BCAS3: variants seen among roughly 807,000 people sequenced by gnomAD.
The protein encoded by BCAS3 is BCAS3 microtubule associated cell migration factor.
Under a neutral mutation model 116.1 loss-of-function variants are expected in BCAS3, and 53 were observed. The ratio of observed to expected loss-of-function variants is 0.46; its 90% CI spans 0.37 to 0.57. BCAS3 has a LOEUF of 0.57. Among genes scored for constraint, BCAS3 ranks in the 20% least tolerant of loss-of-function variants. The pLI is 0.00. For missense variants in BCAS3, 917 were observed against 1,165.4 expected, an observed-to-expected ratio of 0.79 and a Z score of 3.10; for synonymous variants, 391 against 408.2, an observed-to-expected ratio of 0.96 and a Z score of 0.51.
chr17:60,872,411 A>G (rs2055191930), intron 8 of BCAS3, among the ~76,000 whole-genome samples: 1 of 151,322 alleles, frequency 6.6e-6, no homozygotes, highest in Non-Finnish European at 1.5e-5. Context: ...CACATACCCC[A>G]TATATATCTG....
At chr17:61,001,435 A>G (rs1425420660) in intron 15 of BCAS3, among the ~76,000 whole-genome samples, 1 of 152,176 alleles carries the variant, frequency 6.6e-6, no homozygotes, top group Admixed American at 6.5e-5. Flanking sequence ...GCAACCACAC[A>G]TTTCAGCCTT....
At chr17:61,033,498 G>C (rs1334093509) in intron 16 of BCAS3, among the ~76,000 whole-genome samples, 1 of 152,132 alleles carries the variant, frequency 6.6e-6, no homozygotes, top group Non-Finnish European at 1.5e-5. Flanking sequence ...CAGCTCAGAG[G>C]TGCCAGCACT....
At chr17:61,093,431 A>G (rs1001203234) in intron 22 of BCAS3, among the ~76,000 whole-genome samples, 1 of 152,240 alleles carries the variant, frequency 6.6e-6, no homozygotes, top group East Asian at 1.9e-4. Flanking sequence ...TACAAAAAGT[A>G]CAAAAATTAG....
chr17:60,687,804 G>C lies in BCAS3; in HGVS notation c.139-1882G>C, dbSNP rs2034284856. Among the ~76,000 whole-genome samples the C allele has an allele frequency of 2.0e-5, 3 of 152,210 alleles. No homozygotes were observed. The South Asian group carries it at 6.2e-4, about 32-fold the overall frequency. On this transcript the variant is annotated intron_variant, in intron 3 of 23. Transcript: ENST00000407086. ...TAAGGAACACACGAAGCAGAGCTCAGGTGCTTCAGTTGTCTTCCCAGAATT... is the reference window on the plus strand; with the variant it reads ...TAAGGAACACACGAAGCAGAGCTCACGTGCTTCAGTTGTCTTCCCAGAATT...
intron 16 of BCAS3, chr17:61,016,842 G>A (rs999123107): frequency 6.6e-6 from 1 of 152,152 alleles, no homozygotes; most frequent in African/African-American, 2.4e-5. Flanking sequence ...CAGTATTAAT[G>A]TGCTTACAGA....
At chr17:60,851,540 A>G (rs1221161123) in intron 7 of BCAS3, 8 of 614,286 alleles carry the variant, frequency 1.3e-5, no homozygotes, top group East Asian at 3.4e-5. Flanking sequence ...AAAGCTCTAC[A>G]TGTTCTTCAC....
At chr17:60,693,256 C>T (rs1356378080) in intron 4 of BCAS3, among the ~76,000 whole-genome samples, 1 of 151,942 alleles carries the variant, frequency 6.6e-6, no homozygotes, top group Non-Finnish European at 1.5e-5. Context: ...TGACATTTTT[C>T]TGTCAAATTC....
intron 7 of BCAS3, among the ~76,000 whole-genome samples, chr17:60,860,592 C>G (rs932336708): frequency 2.0e-5 from 3 of 152,140 alleles, no homozygotes; most frequent in African/African-American, 7.2e-5. Flanking sequence ...GTTTTTGTTT[C>G]TAGACTTTTT....
At chr17:61,252,015 T>G (rs1021092640) in intron 22 of BCAS3, among the ~76,000 whole-genome samples, 2 of 152,280 alleles carry the variant, frequency 1.3e-5, no homozygotes, top group African/African-American at 4.8e-5. Context: ...CTGAGATCAC[T>G]CAACAGTTAT....
chr17:60,839,498 C>T (rs2051695177), intron 7 of BCAS3, among the ~76,000 whole-genome samples: 1 of 152,026 alleles, frequency 6.6e-6, no homozygotes, highest in Non-Finnish European at 1.5e-5. Context: ...CGGAAGGTTT[C>T]ATAACCCAGT....
intron 14 of BCAS3, among the ~76,000 whole-genome samples, chr17:60,953,616 G>A (rs561134086): frequency 6.6e-6 from 1 of 152,124 alleles, no homozygotes; most frequent in African/African-American, 2.4e-5. Context: ...ATTGCTTTTG[G>A]TGTCTTTGTC....
chr17:61,251,493 G>A lies in BCAS3; in HGVS notation c.2426-116834G>A, dbSNP rs548093354. ...GCTGAGGCAGGAGAATCACTTGAAC[G>A]CGGGATGCAGAGGTTGCAGTGAGCC... On this transcript the variant is annotated intron_variant, in intron 22 of 23. Coordinates refer to ENST00000407086, the MANE Select transcript of BCAS3 (RefSeq NM_017679.5). This position sits in a 1 kb window ranked among gnomAD's most constrained non-coding sequence, Gnocchi z 4.7. Among the ~76,000 whole-genome samples, 8 of 151,878 alleles carry A rather than the reference G, an allele frequency of 5.3e-5. No homozygotes were observed. The highest frequency in any genetic ancestry group is 1.9e-4 in the East Asian group (1 of 5,160).
chr17:61,247,063 T>G (rs958982427), intron 22 of BCAS3, among the ~76,000 whole-genome samples: 1 of 152,198 alleles, frequency 6.6e-6, no homozygotes, highest in African/African-American at 2.4e-5. Context: ...GTACAGTGTA[T>G]ATTAATTTCA....
intron 7 of BCAS3, among the ~76,000 whole-genome samples, chr17:60,858,790 G>A (rs1233648310): frequency 1.3e-5 from 2 of 152,088 alleles, no homozygotes; most frequent in African/African-American, 2.4e-5. Flanking sequence ...ATTCTATTGG[G>A]TGTAGTGGTA....
At chr17:61,267,536 G>A (rs62069617) in intron 22 of BCAS3, among the ~76,000 whole-genome samples, 2 of 150,146 alleles carry the variant, frequency 1.3e-5, no homozygotes. Context: ...TCAGGAGTTC[G>A]AGACCAGCCT....
Position 61,114,640 on chromosome 17 carries a change from A to G in BCAS3, c.2425+30076A>G, listed in dbSNP as rs960303021. Among the ~76,000 whole-genome samples the G allele has an allele frequency of 2.0e-4, 31 of 152,266 alleles. No individual in the cohort carries two copies. The South Asian group carries it at 2.1e-3, about 10-fold the overall frequency. On this transcript the variant is annotated intron_variant, in intron 22 of 23. Transcript: ENST00000407086. ...CCATGCTCATGGGTAGGAAGAATCA[A>G]TATCGTGAAAATGGCCATACTGCCC...
chr17:61,203,878 A>G lies in BCAS3; in HGVS notation c.2425+119314A>G, dbSNP rs530479759. Among the ~76,000 whole-genome samples the G allele has an allele frequency of 2.6e-4, 40 of 152,302 alleles. No individual in the cohort carries two copies. The South Asian group carries it at 4.1e-3, about 16-fold the overall frequency. On this transcript the variant is annotated intron_variant, in intron 22 of 23. Transcript: ENST00000407086. This position sits in a 1 kb window ranked among gnomAD's most constrained non-coding sequence, Gnocchi z 5.7. Reference sequence around the variant, plus strand: ...CCCAGAGCTAATTAACTGCATTGCTATCAGAGCTCTGAAGTGACAGAGGCA... The same window carrying G: ...CCCAGAGCTAATTAACTGCATTGCTGTCAGAGCTCTGAAGTGACAGAGGCA...
intron 22 of BCAS3, among the ~76,000 whole-genome samples, chr17:61,148,209 A>T (rs2077350976): frequency 6.6e-6 from 1 of 152,162 alleles, no homozygotes; most frequent in South Asian, 2.1e-4. Context: ...TTATTTCCAG[A>T]GCTTGATATA....
At chr17:61,179,749 C>T (rs937910848) in intron 22 of BCAS3, among the ~76,000 whole-genome samples, 2 of 152,074 alleles carry the variant, frequency 1.3e-5, no homozygotes, top group East Asian at 1.9e-4. Flanking sequence ...GCAGAAAGAC[C>T]GAATCTGTCT....
Sources: allele counts gnomAD v4.1 joint callset (sites outside exome capture counted in the v4.1 genomes callset), GRCh38; gene constraint gnomAD v4.1.1; non-coding constraint Gnocchi (gnomAD v3.1); transcripts MANE v1.5; gene names NCBI Gene and HGNC (gene_info 2026-07-23, HGNC 2026-07-21).